Variants in MAD1L1 observed in about 807,000 individuals in gnomAD.
MAD1L1 encodes the protein mitotic arrest deficient 1 like 1, also known as mitotic spindle assembly checkpoint protein MAD1.
A neutral mutation model predicts 96.9 loss-of-function variants in MAD1L1; 95 were observed. The ratio of observed to expected loss-of-function variants is 0.98; its 90% confidence interval spans 0.83 to 1.16. The LOEUF is 1.16. MAD1L1 is among the 50% of genes most tolerant of loss of function. MAD1L1 has a pLI of 0.00. For missense variants in MAD1L1, 1,007 were observed against 954.4 expected, an observed-to-expected ratio of 1.06 and a Z score of -0.73; for synonymous variants, 473 against 396.6, an observed-to-expected ratio of 1.19 and a Z score of -2.29.
chr7:1,942,157 C>G (rs1339703783), intron 16 of MAD1L1, among the ~76,000 whole-genome samples: 1 of 152,234 alleles, frequency 6.6e-6, no homozygotes, highest in Non-Finnish European at 1.5e-5. Flanking sequence ...TGGATGCCCT[C>G]AGCACAGCTG....
At position 1,961,273 on chromosome 7, in the gene MAD1L1, G is replaced by A. The variant is rs1413887072; in HGVS notation, c.1506-3554C>T. On this transcript the variant is annotated intron_variant, in intron 15 of 18. Coordinates refer to ENST00000265854, the MANE Select transcript of MAD1L1 (RefSeq NM_001013836.2). ...CTGATTCTAAAATTCATATGGAGAT[G>A]TAATGGACCTAGAATAGAGAAAACA... Among the ~76,000 whole-genome samples, 5 of 152,344 alleles carry A rather than the reference G, an allele frequency of 3.3e-5. No homozygotes were observed. In the South Asian group the frequency reaches 6.2e-4, roughly 19 times the overall value.
chr7:2,000,951 T>G (rs1781765200), intron 14 of MAD1L1, among the ~76,000 whole-genome samples: 2 of 152,204 alleles, frequency 1.3e-5, no homozygotes, highest in African/African-American at 4.8e-5. Context: ...CTGGTGCCCG[T>G]ACCTCTCAAG....
rs1398226198 is a variant in MAD1L1 at position 1,815,912 on chromosome 7, CAGGA to C, written c.*154_*157del. 6.9e-6 allele frequency: 6 copies of C among 873,650 alleles called. No homozygotes were observed. The highest frequency in any genetic ancestry group is 1.0e-5 in the Non-Finnish European group (6 of 588,842). The allele number at this position is 873,650 out of a possible 1,614,324, so 54.1% of individuals were successfully genotyped here. On this transcript the variant is annotated 3_prime_UTR_variant, in exon 19 of 19. Transcript: ENST00000265854. ...GTGGAGAGGGTGCTGGCCGCCCCAG[CAGGA>C]AGCCCGACGTAGGTCCCAGCGTGTC...
intron 12 of MAD1L1, among the ~76,000 whole-genome samples, chr7:2,023,259 T>C (rs1782863337): frequency 6.6e-6 from 1 of 152,092 alleles, no homozygotes; most frequent in Admixed American, 6.5e-5. Flanking sequence ...TATGGAAAAT[T>C]TACCTAGACA....
At chr7:2,173,152 C>T (rs903199773) in intron 10 of MAD1L1, among the ~76,000 whole-genome samples, 1 of 152,228 alleles carries the variant, frequency 6.6e-6, no homozygotes, top group Admixed American at 6.5e-5. Context: ...AGCAAACACT[C>T]TAAGTTATTT....
At chr7:1,901,528 C>T (rs1262820976) in intron 17 of MAD1L1, among the ~76,000 whole-genome samples, 2 of 152,220 alleles carry the variant, frequency 1.3e-5, no homozygotes, top group Admixed American at 6.5e-5. Flanking sequence ...CGACCTGCAA[C>T]AGCAGTGCAT....
intron 10 of MAD1L1, among the ~76,000 whole-genome samples, chr7:2,162,998 T>C (rs554852328): frequency 6.6e-6 from 1 of 152,336 alleles, no homozygotes; most frequent in African/African-American, 2.4e-5. Context: ...TCTTTCACTA[T>C]TTGCTTTATT....
chr7:2,074,841 G>A (rs967232119), intron 11 of MAD1L1, among the ~76,000 whole-genome samples: 5 of 152,222 alleles, frequency 3.3e-5, no homozygotes, highest in Non-Finnish European at 7.3e-5. Context: ...GGAGGCTGGG[G>A]GGGCCCTCGG....
intron 10 of MAD1L1, among the ~76,000 whole-genome samples, chr7:2,183,216 A>C (rs1163436595): frequency 6.6e-6 from 1 of 151,878 alleles, no homozygotes; most frequent in Admixed American, 6.6e-5. Context: ...CTGCCTCAAA[A>C]AAAAAAAAAA....
At chr7:1,891,016 G>T (rs1452624283) in intron 18 of MAD1L1, among the ~76,000 whole-genome samples, 1 of 152,208 alleles carries the variant, frequency 6.6e-6, no homozygotes, top group Non-Finnish European at 1.5e-5. Context: ...ACGCCAGAAA[G>T]CGGGCTCTGC....
intron 11 of MAD1L1, among the ~76,000 whole-genome samples, chr7:2,128,097 C>T (rs902547276): frequency 4.6e-5 from 7 of 152,154 alleles, no homozygotes; most frequent in African/African-American, 7.2e-5. Context: ...GGCTCTGGTC[C>T]GGCCTCATCC....
Position 1,993,991 on chromosome 7 carries a change from T to C in MAD1L1, c.1416+8074A>G, listed in dbSNP as rs148989779. Among the ~76,000 whole-genome samples, 743 of 152,252 alleles carry C rather than the reference T, an allele frequency of 4.9e-3. 8 individuals are homozygous for C. Among genetic ancestry groups the C allele is most frequent in the African/African-American group, 0.017 (703 of 41,566 alleles). On this transcript the variant is annotated intron_variant, in intron 14 of 18. Transcript: ENST00000265854. ...CCCTGCAACTGCCCTGGCCACAGGG[T>C]CTGGGGTCAGCCTGCCTGGGTGTGA... is the stretch of plus-strand genomic sequence containing the variant.
At chr7:2,214,561 GC>G (rs1584568175) in intron 9 of MAD1L1, among the ~76,000 whole-genome samples, 2 of 152,092 alleles carry the variant, frequency 1.3e-5, no homozygotes, top group East Asian at 3.9e-4. Context: ...CTCCTGCCAG[GC>G]CCCACAACCA....
intron 14 of MAD1L1, among the ~76,000 whole-genome samples, chr7:1,981,545 C>G (rs1008295312): frequency 6.6e-6 from 1 of 152,142 alleles, no homozygotes; most frequent in African/African-American, 2.4e-5. Context: ...TAAATCCTGC[C>G]CCTGGCCCAA....
chr7:2,093,554 G>C (rs6943119), intron 11 of MAD1L1, among the ~76,000 whole-genome samples: 1 of 152,278 alleles, frequency 6.6e-6, no homozygotes, highest in Admixed American at 6.5e-5. Context: ...ATCAAAGTGT[G>C]TTGCTTTTGT....
At chr7:1,872,951 GGA>G (rs1785185220) in intron 18 of MAD1L1, among the ~76,000 whole-genome samples, 1 of 152,222 alleles carries the variant, frequency 6.6e-6, no homozygotes, top group Admixed American at 6.5e-5. Flanking sequence ...AAACTGTCAC[GGA>G]GAGAGAGATG....
At chr7:1,909,176 C>A (rs754900781) in intron 17 of MAD1L1, among the ~76,000 whole-genome samples, 13 of 152,178 alleles carry the variant, frequency 8.5e-5, no homozygotes, top group Non-Finnish European at 1.5e-4. Flanking sequence ...AGGCCGAGGT[C>A]TGACCTCGAC....
At chr7:2,050,823 C>T (rs752030891) in intron 12 of MAD1L1, among the ~76,000 whole-genome samples, 26 of 152,188 alleles carry the variant, frequency 1.7e-4, no homozygotes, top group Non-Finnish European at 3.1e-4. Flanking sequence ...CCAGGTGAGG[C>T]TGGCTGTCAC....
At chr7:1,914,939 C>A (rs1184678728) in intron 17 of MAD1L1, among the ~76,000 whole-genome samples, 1 of 152,192 alleles carries the variant, frequency 6.6e-6, no homozygotes, top group Non-Finnish European at 1.5e-5. Flanking sequence ...TCAGTCAGTG[C>A]TGGTTTGTCA....
Sources: gnomAD v4.1 joint callset for allele counts (sites outside exome capture counted in the v4.1 genomes callset) on GRCh38, gnomAD v4.1.1 for gene constraint, MANE v1.5 for transcripts, NCBI Gene and HGNC (gene_info 2026-07-23, HGNC 2026-07-21) for gene names.